EIF3J: variants seen among roughly 807,000 people sequenced by gnomAD.
EIF3J encodes the protein eukaryotic translation initiation factor 3, subunit 1 (alpha, 35kD).
In EIF3J, 15 loss-of-function variants were observed where a neutral mutation model predicts 39.0. That is an observed-to-expected ratio of 0.38 (90% CI 0.26 to 0.59). The LOEUF (loss-of-function observed/expected upper bound fraction) is 0.59, where lower values mean the gene tolerates loss of function less well. EIF3J is among the 20% of genes least tolerant of loss of function. The probability of loss-of-function intolerance (pLI) is 0.60; values close to 1 mark genes in which losing one functional copy is unlikely to be tolerated. For synonymous variants in EIF3J, 98 were observed against 112.9 expected (o/e 0.87, Z 0.84); for missense variants, 226 against 308.6 (o/e 0.73, Z 2.00).
intron 5 of EIF3J, among the ~76,000 whole-genome samples, chr15:44,557,184 A>T (rs1595807345): frequency 6.6e-6 from 1 of 152,048 alleles, no homozygotes; most frequent in African/African-American, 2.4e-5. Context: ...ATGGCAGGAG[A>T]GTGTGATCTC....
At chr15:44,553,347 A>C (rs7167870) in intron 4 of EIF3J, among the ~76,000 whole-genome samples, 14,988 of 149,932 alleles carry the variant, frequency 0.1, 1,524 homozygotes, top group African/African-American at 0.25. Flanking sequence ...GAAAAATTAG[A>C]CGGGCGTGGT....
intron 5 of EIF3J, among the ~76,000 whole-genome samples, chr15:44,555,502 C>G (rs918891656): frequency 6.6e-6 from 1 of 152,182 alleles, no homozygotes; most frequent in Admixed American, 6.5e-5. Context: ...GTCAGTGGAT[C>G]TGTACAAATA....
intron 2 of EIF3J, among the ~76,000 whole-genome samples, chr15:44,542,408 A>G (rs2082020809): frequency 1.3e-5 from 2 of 152,148 alleles, no homozygotes; most frequent in Admixed American, 6.6e-5. Context: ...GAAGGAGTAT[A>G]TGTTAGTTCC....
chr15:44,546,224 A>G (rs1017649882), intron 2 of EIF3J, among the ~76,000 whole-genome samples: 4 of 152,230 alleles, frequency 2.6e-5, no homozygotes, highest in African/African-American at 9.6e-5. Flanking sequence ...TAACTCTAGT[A>G]TCACAGTTAC....
chr15:44,560,349 G>A (rs1182787040), intron 7 of EIF3J, 27 bp downstream of exon 7: 2 of 1,606,008 alleles, frequency 1.2e-6, no homozygotes, highest in Non-Finnish European at 1.7e-6. Context: ...TAGGGAAATG[G>A]GTATTAAATT....
intron 5 of EIF3J, among the ~76,000 whole-genome samples, chr15:44,556,701 G>C (rs559284782): frequency 1.3e-5 from 2 of 152,198 alleles, no homozygotes; most frequent in East Asian, 3.9e-4. Flanking sequence ...GTAGAGACAG[G>C]GTTTCACCAT....
intron 2 of EIF3J, among the ~76,000 whole-genome samples, chr15:44,546,185 C>T (rs1490990421): frequency 2.0e-5 from 3 of 152,106 alleles, no homozygotes; most frequent in African/African-American, 4.8e-5. Flanking sequence ...AAACTAACGG[C>T]GAAATACAAA....
In EIF3J at chr15:44,551,536, T is replaced by C. The variant is rs367909054; in HGVS notation, c.294+14T>C. On this transcript the variant is annotated intron_variant, in intron 4 of 7. Transcript: ENST00000261868. ...ATTAAAAAGAGGGTAAATTCTGTTT[T>C]CTAAAATACAGAATTCTCACATCGG... 31 of 1,561,804 alleles carry C rather than the reference T, an allele frequency of 2.0e-5. No individual in the cohort carries two copies. The highest frequency in any genetic ancestry group is 2.6e-5 in the Non-Finnish European group (30 of 1,152,622).
intron 6 of EIF3J, among the ~76,000 whole-genome samples, chr15:44,559,963 C>G (rs1389128010): frequency 1.3e-5 from 2 of 152,134 alleles, no homozygotes; most frequent in African/African-American, 4.8e-5. Context: ...GTTGCCCAAG[C>G]TGGTCTCGAA....
chr15:44,537,732 C>T (rs1022194391), intron 2 of EIF3J, among the ~76,000 whole-genome samples: 3 of 152,334 alleles, frequency 2.0e-5, no homozygotes, highest in African/African-American at 7.2e-5. Context: ...GGTCCGGAGC[C>T]TCTCGCAGGA....
intron 2 of EIF3J, 132 bp downstream of exon 2, chr15:44,537,559 C>G: frequency 1.1e-6 from 1 of 919,510 alleles, no homozygotes; most frequent in Non-Finnish European, 1.5e-6. Context: ...TGGCGGTGCT[C>G]TCTTCCCCTC....
Position 44,561,176 on chromosome 15 carries a change from TTA to T in EIF3J, c.*29_*30del, listed in dbSNP as rs2082191091. 6.2e-7 allele frequency: 1 copy of T among 1,600,706 alleles called. No homozygotes were observed. On this transcript the variant is annotated 3_prime_UTR_variant, in exon 8 of 8. Coordinates refer to ENST00000261868, the MANE Select transcript of EIF3J (RefSeq NM_003758.4). Reference sequence around the variant, plus strand: ...ATTTTATCTTTTCTTGGTGTCATCTTTATGTTGCCCACAATCCCTTGAACATG... The same window carrying T: ...ATTTTATCTTTTCTTGGTGTCATCTTTGTTGCCCACAATCCCTTGAACATG...
chr15:44,541,898 C>A (rs573876001), intron 2 of EIF3J, among the ~76,000 whole-genome samples: 37 of 152,272 alleles, frequency 2.4e-4, no homozygotes, highest in African/African-American at 8.7e-4. Context: ...CATTTCATAC[C>A]CTGCCACTTT....
At position 44,537,191 on chromosome 15, in the gene EIF3J, C is replaced by A. The variant is rs1411294799; in HGVS notation, c.-4C>A. Reference sequence around the variant, plus strand: ...CTCTCACACACGCTCACACCCGGCTCGAGATGGCGGCGGCGGCGGCGGCGG... The same window carrying A: ...CTCTCACACACGCTCACACCCGGCTAGAGATGGCGGCGGCGGCGGCGGCGG... On this transcript the variant is annotated 5_prime_UTR_variant, in exon 1 of 8. Coordinates refer to ENST00000261868, the MANE Select transcript of EIF3J (RefSeq NM_003758.4). 1.2e-6 allele frequency: 2 copies of A among 1,606,684 alleles called. No homozygotes were observed. The highest frequency in any genetic ancestry group is 1.7e-5 in the Admixed American group (1 of 59,738).
At position 44,562,695 on chromosome 15, in the gene EIF3J, C is replaced by T. The variant is rs1046502069; in HGVS notation, c.*1546C>T. 5 of 165,392 alleles carry T rather than the reference C, an allele frequency of 3.0e-5. No individual in the cohort carries two copies. The highest frequency in any genetic ancestry group is 1.2e-4 in the African/African-American group (5 of 41,528). The allele number at this position is 165,392 out of a possible 1,614,324, so 10.2% of individuals were successfully genotyped here. On this transcript the variant is annotated 3_prime_UTR_variant, in exon 8 of 8. Transcript: ENST00000261868. ...TCCTTAGCAGTAATAATGACATACACTGAATTGAAAATCTATTTTATTACA... is the reference window on the plus strand; with the variant it reads ...TCCTTAGCAGTAATAATGACATACATTGAATTGAAAATCTATTTTATTACA...
In EIF3J at chr15:44,537,309, C is replaced by A. The variant is rs374793165; in HGVS notation, c.44-15C>A. The stretch of plus-strand genomic sequence containing the variant: ...CGCAGTGGCAGGCACTAACACGGCT[C>A]GCTTTCTTCCGTAGACGCCGACGCT... On this transcript the variant is annotated splice_polypyrimidine_tract_variant and intron_variant, in intron 1 of 7. Transcript: ENST00000261868. 1.9e-6 allele frequency: 3 copies of A among 1,560,376 alleles called. No homozygotes were observed. The highest frequency in any genetic ancestry group is 8.7e-7 in the Non-Finnish European group (1 of 1,152,824).
chr15:44,560,193 A>G, intron 6 of EIF3J, 56 bp from the exon 7 acceptor site: 2 of 1,475,996 alleles, frequency 1.4e-6, no homozygotes, highest in South Asian at 2.4e-5. Flanking sequence ...ATTTAGCTTT[A>G]ACTTTTCAAA....
chr15:44,550,163 T>C (rs1190304366), intron 2 of EIF3J, among the ~76,000 whole-genome samples: 3 of 152,224 alleles, frequency 2.0e-5, no homozygotes, highest in Non-Finnish European at 4.4e-5. Context: ...TAAAGCTATC[T>C]TTTGTTTGCA....
At position 44,544,332 on chromosome 15, in the gene EIF3J, A is replaced by G. The variant is rs558533430; in HGVS notation, c.148-6544A>G. On this transcript the variant is annotated intron_variant, in intron 2 of 7. Coordinates refer to ENST00000261868, the MANE Select transcript of EIF3J (RefSeq NM_003758.4). ...AGGCTGGTCTTGAACTCCTGAACTCAGGTATTCCACCCACCTTGGCCTTCC... is the reference window on the plus strand; with the variant it reads ...AGGCTGGTCTTGAACTCCTGAACTCGGGTATTCCACCCACCTTGGCCTTCC... Among the ~76,000 whole-genome samples the G allele has an allele frequency of 2.6e-5, 4 of 151,472 alleles. No individual in the cohort carries two copies. The South Asian group carries it at 8.3e-4, about 32-fold the overall frequency.
Sources: gnomAD v4.1 joint callset for allele counts (sites outside exome capture counted in the v4.1 genomes callset) on GRCh38, gnomAD v4.1.1 for gene constraint, MANE v1.5 for transcripts, NCBI Gene and HGNC (gene_info 2026-07-23, HGNC 2026-07-21) for gene names.